The following SEC16A variants were observed in gnomAD, a reference collection of about 807,000 sequenced individuals.
The protein encoded by SEC16A is SEC16 homolog A, endoplasmic reticulum export factor.
SEC16A carries 110 observed loss-of-function variants against 221.9 expected under a neutral mutation model. The observed-to-expected ratio is 0.50, with a 90% CI of 0.42 to 0.58. The LOEUF (loss-of-function observed/expected upper bound fraction) is 0.58. Ranked by LOEUF, SEC16A falls within the 20% of genes least tolerant of loss-of-function variation. The pLI is 0.00. For synonymous variants in SEC16A, 1,393 were observed against 1,257.7 expected, an observed-to-expected ratio of 1.11 and a Z score of -2.28; for missense variants, 3,165 against 3,097.8, an observed-to-expected ratio of 1.02 and a Z score of -0.52.
Position 136,455,734 on chromosome 9 carries a change from C to G in SEC16A, c.5724G>C (p.Pro1908=). The G allele has an allele frequency of 6.3e-7, 1 of 1,597,972 alleles. No individual in the cohort carries two copies. The highest frequency in any genetic ancestry group is 1.1e-5 in the South Asian group (1 of 87,818). The part of the protein sequence containing the change: ...GALPQQCPGT[P]SSEMEQLDRP... ...TGTCCAACTGCTCCATCTCGGAACT[C>G]GGAGTGCCAGGACACTGCTGCGGGA... Residue 1908 remains proline, a synonymous_variant, in exon 20 of 32, where the codon CCG becomes CCC. Transcript: ENST00000684901.
At chr9:136,481,262 C>T (rs912020764) in intron 1 of SEC16A, among the ~76,000 whole-genome samples, 1 of 151,544 alleles carries the variant, frequency 6.6e-6, no homozygotes, top group South Asian at 2.1e-4. Context: ...CAGCCTCCAG[C>T]GTAGCTGGGA....
chr9:136,441,496 A>T lies in SEC16A; in HGVS notation c.*259T>A. 3.7e-6 allele frequency: 2 copies of T among 545,798 alleles called. No individual in the cohort carries two copies. The highest frequency in any genetic ancestry group is 6.6e-6 in the Non-Finnish European group (2 of 301,620). The allele number at this position is 545,798 out of a possible 1,614,324, so 33.8% of individuals were successfully genotyped here. Reference sequence around the variant, plus strand: ...CCTTAAATCATCCTAAATGACTAAGAAAGTCACATCATTCTTTTCGGCAAA... The same window carrying T: ...CCTTAAATCATCCTAAATGACTAAGTAAGTCACATCATTCTTTTCGGCAAA... On this transcript the variant is annotated 3_prime_UTR_variant, in exon 32 of 32. Coordinates refer to ENST00000684901, the MANE Select transcript of SEC16A (RefSeq NM_014866.2).
In SEC16A at chr9:136,475,297, T is replaced by A. The variant is rs1369550449; in HGVS notation, c.2319A>T (p.Pro773=). The change falls in exon 3 of 32, where the codon CCA becomes CCT. Residue 773 remains proline (P), a synonymous_variant. Transcript: ENST00000684901. This position sits in a 1 kb window ranked among gnomAD's most constrained non-coding sequence, Gnocchi z 5.0. ...GGCTCTGCACCGGGGCCGCCGAGCT[T>A]GGGTTCCGTGACTGCTGCCCGGACA... ...EAMSGQQSRN[P]SSAAPVQSRG... 1 of 1,613,340 alleles carries A rather than the reference T, an allele frequency of 6.2e-7. No homozygotes were observed. Among genetic ancestry groups the A allele is most frequent in the Admixed American group, 1.7e-5 (1 of 60,004 alleles).
chr9:136,442,204 C>A (rs1200521368), intron 31 of SEC16A, among the ~76,000 whole-genome samples: 1 of 152,216 alleles, frequency 6.6e-6, no homozygotes. Flanking sequence ...GACAGCTGGC[C>A]AATGCAGGCA....
Position 136,477,218 on chromosome 9 carries a change from G to A in SEC16A, c.398C>T (p.Pro133Leu). 1 of 1,613,946 alleles carries A rather than the reference G, an allele frequency of 6.2e-7. No homozygotes were observed. The highest frequency in any genetic ancestry group is 1.1e-5 in the South Asian group (1 of 91,084). Residue 133 changes from proline to leucine, a missense_variant, in exon 3 of 32, where the codon CCT becomes CTT. Physicochemically the swap from Pro to Leu is moderately conservative, Grantham distance 98. Transcript: ENST00000684901. ...PFSGALTPSA[P>L]PGPEMNRSAE... ...ACTCCTGTTCATCTCAGGCCCAGGA[G>A]GTGCTGAAGGTGTCAATGCACCAGA... is the stretch of plus-strand genomic sequence containing the variant.
rs2131807449 is a variant in SEC16A, at chr9:136,445,953, T to G, written c.6793-234A>C. ...TGCCTGTGTGTGCCCATGACAGGCT[T>G]GCAATCTGGGGCTACTGTTATTCCC... is the stretch of plus-strand genomic sequence containing the variant. On this transcript the variant is annotated intron_variant, in intron 28 of 31. Coordinates refer to ENST00000684901, the MANE Select transcript of SEC16A (RefSeq NM_014866.2). Among the ~76,000 whole-genome samples the G allele has an allele frequency of 1.3e-5, 2 of 152,318 alleles. 1 individual carries two copies. Among genetic ancestry groups the G allele is most frequent in the South Asian group, 4.1e-4 (2 of 4,826 alleles).
intron 23 of SEC16A, 110 bp downstream of exon 23, chr9:136,451,146 T>G: frequency 1.8e-6 from 2 of 1,136,750 alleles, no homozygotes; most frequent in Non-Finnish European, 2.5e-6. Context: ...GCTGTTTGTA[T>G]CAGGAGGCTA....
In SEC16A at chr9:136,463,469, T is replaced by C; in HGVS notation, c.4641A>G (p.Gln1547=). Residue 1547 remains glutamine (Q), a synonymous_variant, in exon 11 of 32, where the codon CAA becomes CAG. Transcript: ENST00000684901. The part of the protein sequence containing the change: ...LWNFIVLLCR[Q]NGTVVGTDIA... Reference sequence around the variant, plus strand: ...GAAGTAGAAAGAAACATACCCCATTTTGTCTGCATAAGAGAACAATAAAAT... The same window carrying C: ...GAAGTAGAAAGAAACATACCCCATTCTGTCTGCATAAGAGAACAATAAAAT... 1 of 1,613,162 alleles carries C rather than the reference T, an allele frequency of 6.2e-7. No individual in the cohort carries two copies. Among genetic ancestry groups the C allele is most frequent in the Non-Finnish European group, 8.5e-7 (1 of 1,179,562 alleles).
chr9:136,444,955 G>C (rs1227788201), intron 30 of SEC16A, 97 bp downstream of exon 30: 1 of 940,936 alleles, frequency 1.1e-6, no homozygotes, highest in Non-Finnish European at 1.6e-6. Flanking sequence ...GGCGAGGTTA[G>C]TGGCAAAGCG....
chr9:136,475,285 GGCC>G lies in SEC16A; in HGVS notation c.2328_2330del (p.Ala777del), dbSNP rs1242371228. On this transcript the variant is annotated inframe_deletion, in exon 3 of 32. Transcript: ENST00000684901. This position sits in a 1 kb window ranked among gnomAD's most constrained non-coding sequence, Gnocchi z 5.0. Reference sequence around the variant, plus strand: ...CAATGCCACCTCGGCTCTGCACCGGGGCCGCCGAGCTTGGGTTCCGTGACTGCT... The same window carrying G: ...CAATGCCACCTCGGCTCTGCACCGGGGCCGAGCTTGGGTTCCGTGACTGCT... 10 of 1,613,306 alleles carry G rather than the reference GGCC, an allele frequency of 6.2e-6. No homozygotes were observed. Among genetic ancestry groups the G allele is most frequent in the African/African-American group, 5.3e-5 (4 of 74,916 alleles).
chr9:136,456,308 T>C, intron 18 of SEC16A, 142 bp from the exon 19 acceptor site: 1 of 626,306 alleles, frequency 1.6e-6, no homozygotes, highest in Non-Finnish European at 2.8e-6. Flanking sequence ...AGTATGTGCT[T>C]AGGTGACATA....
At chr9:136,443,751 A>G (rs1235612567) in intron 31 of SEC16A, 72 bp downstream of exon 31, 16 of 1,046,250 alleles carry the variant, frequency 1.5e-5, no homozygotes, top group Non-Finnish European at 1.5e-6. Context: ...GAAAGCTGCC[A>G]TCACTGAGCA....
intron 4 of SEC16A, among the ~76,000 whole-genome samples, chr9:136,471,774 A>T (rs1242211877): frequency 6.6e-6 from 1 of 152,206 alleles, no homozygotes; most frequent in Non-Finnish European, 1.5e-5. Context: ...GCTAATGACC[A>T]CCTGGGGCAG....
Position 136,474,883 on chromosome 9 carries a change from A to G in SEC16A, c.2733T>C (p.Ser911=). 1 of 1,613,928 alleles carries G rather than the reference A, an allele frequency of 6.2e-7. No homozygotes were observed. ...GATTAGAAACCATTTCGGAAGCACC[A>G]GAACCTTGTGGAAAATTACTTTGGG... ...SVAQSNFPQG[S]GASEMVSNQP... is the part of the protein sequence containing the mutation. Residue 911 remains serine, a synonymous_variant, in exon 3 of 32, where the codon TCT becomes TCC. Coordinates refer to ENST00000684901, the MANE Select transcript of SEC16A (RefSeq NM_014866.2).
intron 4 of SEC16A, among the ~76,000 whole-genome samples, chr9:136,470,936 C>T (rs542823366): frequency 6.6e-6 from 1 of 152,314 alleles, no homozygotes; most frequent in African/African-American, 2.4e-5. Flanking sequence ...CCCTGGAAGG[C>T]GCAGCCTAGC....
intron 4 of SEC16A, among the ~76,000 whole-genome samples, chr9:136,471,275 T>C (rs1840826112): frequency 6.6e-6 from 1 of 151,322 alleles, no homozygotes; most frequent in South Asian, 2.1e-4. Context: ...GAGACCAGCC[T>C]GGCCAACATA....
In SEC16A at chr9:136,478,777, T is replaced by A. The variant is rs948874629; in HGVS notation, c.-138A>T. 2.6e-5 allele frequency among the ~76,000 whole-genome samples: 4 copies of A among 151,974 alleles called. No individual in the cohort carries two copies. Among genetic ancestry groups the A allele is most frequent in the Non-Finnish European group, 5.9e-5 (4 of 67,990 alleles). ...TGTGTCCATGAGTTCGAGGCTGCAG[T>A]GAGCTATGATTATACCACCGCGGTC... On this transcript the variant is annotated 5_prime_UTR_variant, in exon 2 of 32. Transcript: ENST00000684901.
rs1027932253 is a variant in SEC16A, at chr9:136,483,015, G to A, written c.-269C>T. 26 of 985,124 alleles carry A rather than the reference G, an allele frequency of 2.6e-5. No homozygotes were observed. In the East Asian group the frequency reaches 1.5e-3, roughly 56 times the overall value. 61.0% of individuals were successfully genotyped at this position (985,124 alleles called of 1,614,324 possible). A position where few individuals can be genotyped will look rare whatever the true frequency, so the allele number is the denominator to read the frequency against. Reference sequence around the variant, plus strand: ...GCTGGCGACGAGCACAGACACCTCAGCCGCCGCAGCCATCTTGGCACATCC... The same window carrying A: ...GCTGGCGACGAGCACAGACACCTCAACCGCCGCAGCCATCTTGGCACATCC... On this transcript the variant is annotated 5_prime_UTR_variant, in exon 1 of 32. Transcript: ENST00000684901.
chr9:136,442,538 C>T (rs2131681804), intron 31 of SEC16A, among the ~76,000 whole-genome samples: 1 of 152,366 alleles, frequency 6.6e-6, no homozygotes, highest in African/African-American at 2.4e-5. Flanking sequence ...AGCTCCCCTA[C>T]ACTGGCAGCC....
Sources: allele counts gnomAD v4.1 joint callset (sites outside exome capture counted in the v4.1 genomes callset), GRCh38; gene constraint gnomAD v4.1.1; non-coding constraint Gnocchi (gnomAD v3.1); transcripts MANE v1.5; gene names NCBI Gene and HGNC (gene_info 2026-07-23, HGNC 2026-07-21).